TMTC1: variants seen among roughly 807,000 people sequenced by gnomAD.
TMTC1 encodes transmembrane O-mannosyltransferase targeting cadherins 1.
A neutral mutation model predicts 104.8 loss-of-function variants in TMTC1; 73 were observed. The observed-to-expected ratio is 0.70, with a 90% CI of 0.58 to 0.85. The LOEUF (loss-of-function observed/expected upper bound fraction) is 0.85. Among genes scored for constraint, TMTC1 ranks in the 40% least tolerant of loss-of-function variants. The pLI is 0.00. For synonymous variants in TMTC1, 434 were observed against 428.7 expected, an observed-to-expected ratio of 1.01 and a Z score of -0.15; for missense variants, 1,035 against 1,096.1, an observed-to-expected ratio of 0.94 and a Z score of 0.79.
At chr12:29,521,980 C>T (rs1381355800) in intron 11 of TMTC1, among the ~76,000 whole-genome samples, 2 of 84,946 alleles carry the variant, frequency 2.4e-5, no homozygotes, top group East Asian at 2.5e-4. Flanking sequence ...ACTTATTTAC[C>T]CACAAGTTAA....
chr12:29,731,507 C>G (rs1942545390), intron 5 of TMTC1, among the ~76,000 whole-genome samples: 1 of 152,126 alleles, frequency 6.6e-6, no homozygotes, highest in Admixed American at 6.5e-5. Flanking sequence ...ACTTGAAGCT[C>G]TTAGAAGAAA....
rs866309008 is a variant in TMTC1 at position 29,710,880 on chromosome 12, T to A, written c.938+40786A>T. Among the ~76,000 whole-genome samples, 616 of 133,340 alleles carry A rather than the reference T, an allele frequency of 4.6e-3. 6 individuals are homozygous for A. The highest frequency in any genetic ancestry group is 0.017 in the African/African-American group (586 of 34,462). 87.5% of individuals were successfully genotyped at this position (133,340 alleles called of 152,430 possible). Reference sequence around the variant, plus strand: ...ATATATTAATTATATTATTATAAATTATATTATTAATATATAAATATATTA... The same window carrying A: ...ATATATTAATTATATTATTATAAATAATATTATTAATATATAAATATATTA... On this transcript the variant is annotated intron_variant, in intron 5 of 17. Coordinates refer to ENST00000539277, the MANE Select transcript of TMTC1 (RefSeq NM_001193451.2).
At chr12:29,644,111 ATGTGTG>A (rs371107912) in intron 5 of TMTC1, among the ~76,000 whole-genome samples, 1,296 of 74,420 alleles carry the variant, frequency 0.017, 89 homozygotes, top group Non-Finnish European at 0.024. Context: ...ATAAATATAT[ATGTGTG>A]TGTGTGTGTG....
chr12:29,571,684 A>G (rs2288228), intron 9 of TMTC1, among the ~76,000 whole-genome samples: 17,717 of 151,912 alleles, frequency 0.12, 1,272 homozygotes, highest in African/African-American at 0.2. Flanking sequence ...AGGGCATTTA[A>G]TTTCTATACT....
intron 5 of TMTC1, among the ~76,000 whole-genome samples, chr12:29,658,181 C>A (rs969497634): frequency 6.6e-5 from 10 of 151,808 alleles, no homozygotes; most frequent in African/African-American, 2.2e-4. Context: ...AATATAAATG[C>A]CCCATAGATC....
At chr12:29,725,149 C>G (rs986808114) in intron 5 of TMTC1, among the ~76,000 whole-genome samples, 5 of 148,540 alleles carry the variant, frequency 3.4e-5, no homozygotes, top group African/African-American at 1.2e-4. Context: ...TCCCGAATAG[C>G]TGGAATTACA....
chr12:29,594,846 G>T (rs994694492), intron 7 of TMTC1, among the ~76,000 whole-genome samples: 1 of 152,116 alleles, frequency 6.6e-6, no homozygotes, highest in Non-Finnish European at 1.5e-5. Flanking sequence ...TAAGTGCTAG[G>T]GTTGTTCACT....
chr12:29,677,913 C>T (rs910643675), intron 5 of TMTC1, among the ~76,000 whole-genome samples: 1 of 152,164 alleles, frequency 6.6e-6, no homozygotes. Flanking sequence ...CTTACTGTAC[C>T]TAATTTATAA....
chr12:29,726,774 G>A (rs1301489531), intron 5 of TMTC1, among the ~76,000 whole-genome samples: 2 of 152,136 alleles, frequency 1.3e-5, no homozygotes, highest in Non-Finnish European at 2.9e-5. Context: ...AAAATCAGAA[G>A]GCCAAGGCAA....
Position 29,583,513 on chromosome 12 carries a change from A to G in TMTC1, c.1312T>C (p.Cys438Arg), listed in dbSNP as rs751333498. Residue 438 changes from cysteine (C) to arginine (R), a missense_variant, in exon 8 of 18, where the codon TGT (cysteine) becomes CGT (arginine). Coordinates refer to ENST00000539277, the MANE Select transcript of TMTC1 (RefSeq NM_001193451.2). ...GACACAATCAGGGTGGTGGCCCCAC[A>G]TCGATTCAGCCAAGTGCAGAGCTTG... ...LSKLCTWLNRCGATTLIVSTV... is the reference protein window; with the variant it reads ...LSKLCTWLNRRGATTLIVSTV... The G allele has an allele frequency of 3.1e-6, 5 of 1,613,754 alleles. No individual in the cohort carries two copies. Among genetic ancestry groups the G allele is most frequent in the Admixed American group, 1.7e-5 (1 of 59,956 alleles).
intron 14 of TMTC1, 102 bp from the exon 15 acceptor site, chr12:29,516,588 C>G (rs1277412733): frequency 3.0e-6 from 4 of 1,350,890 alleles, no homozygotes; most frequent in Non-Finnish European, 3.9e-6. Flanking sequence ...GACAAACATG[C>G]TCAGCATCAA....
intron 5 of TMTC1, among the ~76,000 whole-genome samples, chr12:29,638,711 C>T (rs1015805234): frequency 6.6e-6 from 1 of 152,114 alleles, no homozygotes; most frequent in African/African-American, 2.4e-5. Context: ...CTCCCCATGA[C>T]CGGCTGGTCT....
At chr12:29,656,319 G>GATATATATAT (rs71045824) in intron 5 of TMTC1, among the ~76,000 whole-genome samples, 20 of 139,354 alleles carry the variant, frequency 1.4e-4, no homozygotes, top group South Asian at 2.3e-4. Flanking sequence ...AATTTCCCTG[G>GATATATATAT]ATATATATAT....
intron 1 of TMTC1, among the ~76,000 whole-genome samples, chr12:29,771,852 T>G (rs554619920): frequency 2.0e-5 from 3 of 152,148 alleles, no homozygotes; most frequent in African/African-American, 7.2e-5. Flanking sequence ...ATGCTCAGCC[T>G]AGAGAAAGAT....
intron 5 of TMTC1, among the ~76,000 whole-genome samples, chr12:29,731,854 T>C (rs1942554174): frequency 6.6e-6 from 1 of 152,206 alleles, no homozygotes; most frequent in East Asian, 1.9e-4. Context: ...TTCTGTATTC[T>C]TTCCATTACT....
intron 1 of TMTC1, among the ~76,000 whole-genome samples, chr12:29,776,142 C>T (rs540190712): frequency 2.0e-5 from 3 of 152,140 alleles, no homozygotes; most frequent in East Asian, 1.9e-4. Flanking sequence ...TAGTGAGAAC[C>T]CCCTATAATT....
chr12:29,507,987 AAAC>A (rs1328905774), intron 17 of TMTC1, among the ~76,000 whole-genome samples: 1 of 152,218 alleles, frequency 6.6e-6, no homozygotes. Context: ...ATGTAGCAAC[AAAC>A]AACTAATACT....
intron 5 of TMTC1, among the ~76,000 whole-genome samples, chr12:29,750,030 G>A (rs888465276): frequency 3.3e-5 from 5 of 150,132 alleles, no homozygotes; most frequent in East Asian, 2.0e-4. Context: ...CAGAGGGAAC[G>A]TTTTTAAAAG....
At chr12:29,693,655 CA>C (rs1472524825) in intron 5 of TMTC1, among the ~76,000 whole-genome samples, 4 of 152,142 alleles carry the variant, frequency 2.6e-5, no homozygotes, top group Admixed American at 1.3e-4. Flanking sequence ...GTGAATTTCA[CA>C]GTATTTAAAT....
Sources: allele counts gnomAD v4.1 joint callset (sites outside exome capture counted in the v4.1 genomes callset), GRCh38; gene constraint gnomAD v4.1.1; transcripts MANE v1.5; gene names NCBI Gene and HGNC (gene_info 2026-07-23, HGNC 2026-07-21).